ABHD2: variants seen among roughly 807,000 people sequenced by gnomAD.
The protein encoded by ABHD2 is monoacylglycerol lipase ABHD2.
A neutral mutation model predicts 48.1 loss-of-function variants in ABHD2; 20 were observed. The observed-to-expected ratio is 0.42, with a 90% confidence interval of 0.29 to 0.60. The LOEUF (loss-of-function observed/expected upper bound fraction) is 0.60. Among genes scored for constraint, ABHD2 ranks in the 20% least tolerant of loss-of-function variants. ABHD2 has a pLI of 0.24. For synonymous variants in ABHD2, 209 were observed against 214.2 expected, an observed-to-expected ratio of 0.98 and a Z score of 0.21; for missense variants, 405 against 550.9, an observed-to-expected ratio of 0.74 and a Z score of 2.65.
Position 89,170,339 on chromosome 15 carries a change from C to T in ABHD2, c.539-5473C>T, listed in dbSNP as rs558843169. On this transcript the variant is annotated intron_variant, in intron 5 of 10. Coordinates refer to ENST00000352732, the MANE Select transcript of ABHD2 (RefSeq NM_152924.5). ...CTTGAACTCCTGAACTCAAATGATC[C>T]ACCCGCCTCAGCCTCCCAAAGTGCT... Among the ~76,000 whole-genome samples, 279 of 151,910 alleles carry T rather than the reference C, an allele frequency of 1.8e-3. 1 individual carries two copies. Among genetic ancestry groups the T allele is most frequent in the Middle Eastern group, 6.8e-3 (2 of 294 alleles).
At chr15:89,191,270 C>A in intron 9 of ABHD2, 121 bp downstream of exon 9, 1 of 936,612 alleles carries the variant, frequency 1.1e-6, no homozygotes, top group Non-Finnish European at 1.6e-6. Flanking sequence ...TCCAACCGCT[C>A]TTTTAGCTTG....
Position 89,176,125 on chromosome 15 carries a change from T to A in ABHD2, c.722+130T>A. 1.0e-6 allele frequency: 1 copy of A among 986,684 alleles called. No individual in the cohort carries two copies. The highest frequency in any genetic ancestry group is 1.5e-6 in the Non-Finnish European group (1 of 686,000). The allele number at this position is 986,684 out of a possible 1,614,324, so 61.1% of individuals were successfully genotyped here. ...CGACTGAGTAGAAGTTTCTGAGTCT[T>A]GGACTCACCTTGTTTTGTCTGCATA... On this transcript the variant is annotated intron_variant, in intron 6 of 10. Transcript: ENST00000352732. The surrounding 1 kb of genome is among the most constrained non-coding windows in gnomAD (Gnocchi z 4.5).
rs946637659 is a variant in ABHD2, at chr15:89,185,336, G to A, written c.723-88G>A. 21 of 977,952 alleles carry A rather than the reference G, an allele frequency of 2.1e-5. No homozygotes were observed. The South Asian group carries it at 2.9e-4, about 14-fold the overall frequency. The allele number at this position is 977,952 out of a possible 1,614,324, so 60.6% of individuals were successfully genotyped here. A position where few individuals can be genotyped will look rare whatever the true frequency, so the allele number is the denominator to read the frequency against. ...CTGAGAGCCGGCCCTCTCCACACAA[G>A]CACCTCACCCCATGGCTAGAGCCCC... On this transcript the variant is annotated intron_variant, in intron 6 of 10. Coordinates refer to ENST00000352732, the MANE Select transcript of ABHD2 (RefSeq NM_152924.5). This position sits in a 1 kb window ranked among gnomAD's most constrained non-coding sequence, Gnocchi z 5.9.
At chr15:89,162,838 A>G (rs1385284597) in intron 5 of ABHD2, among the ~76,000 whole-genome samples, 2 of 152,178 alleles carry the variant, frequency 1.3e-5, no homozygotes, top group Admixed American at 1.3e-4. Context: ...AGTTCACTCC[A>G]TGAGAGCAGG....
At chr15:89,157,026 T>C (rs2150897642) in intron 5 of ABHD2, among the ~76,000 whole-genome samples, 1 of 152,356 alleles carries the variant, frequency 6.6e-6, no homozygotes, top group East Asian at 1.9e-4. Flanking sequence ...ATAGCATGTA[T>C]ATCTATGGTG....
chr15:89,111,400 A>G (rs1433303001), intron 1 of ABHD2, among the ~76,000 whole-genome samples: 1 of 152,240 alleles, frequency 6.6e-6, no homozygotes, highest in African/African-American at 2.4e-5. Context: ...TCAACTGCTC[A>G]TTCTCTCATG....
rs187743342 is a variant in ABHD2 at position 89,110,926 on chromosome 15, T to A, written c.-106-2799T>A. Among the ~76,000 whole-genome samples the A allele has an allele frequency of 3.1e-3, 465 of 152,354 alleles. 3 individuals are homozygous for A. Among genetic ancestry groups the A allele is most frequent in the African/African-American group, 7.6e-3 (318 of 41,582 alleles). ...CTTACATAAAGTCCCACATTTTTTT[T>A]AAATAATTCTGTGCCAGATAAGCCC... is the stretch of plus-strand genomic sequence containing the variant. On this transcript the variant is annotated intron_variant, in intron 1 of 10. Coordinates refer to ENST00000352732, the MANE Select transcript of ABHD2 (RefSeq NM_152924.5).
chr15:89,124,346 G>A (rs570784438), intron 3 of ABHD2, among the ~76,000 whole-genome samples: 3 of 152,246 alleles, frequency 2.0e-5, no homozygotes, highest in African/African-American at 4.8e-5. Context: ...GACAGTTGTT[G>A]TTTTCTCAAT....
At chr15:89,049,740 GC>G in the ABHD2 span, among the ~76,000 whole-genome samples, 1 of 152,358 alleles carries the variant, frequency 6.6e-6, no homozygotes, top group South Asian at 2.1e-4. Context: ...GCCTCGCCCT[GC>G]TTTGGCTGGC....
intron 5 of ABHD2, among the ~76,000 whole-genome samples, chr15:89,156,115 C>CTTTTTTTTTTT (rs1185978751): frequency 3.5e-5 from 3 of 85,658 alleles, no homozygotes; most frequent in Non-Finnish European, 6.4e-5. Context: ...TTTTTATTGT[C>CTTTTTTTTTTT]TTTTTTTTTT....
the ABHD2 span, among the ~76,000 whole-genome samples, chr15:89,053,358 A>G: frequency 8.6e-5 from 13 of 151,758 alleles, no homozygotes; most frequent in Non-Finnish European, 1.6e-4. Context: ...GCAAACTAAT[A>G]CAGGTATTAG....
In ABHD2 at chr15:89,120,181, T is replaced by A. The variant is rs1045879501; in HGVS notation, c.194+3660T>A. ...GTCAATTTGAAAATCTGTTCTAAGA[T>A]GATTTACCCAAAGATACATTATAAA... On this transcript the variant is annotated intron_variant, in intron 3 of 10. Coordinates refer to ENST00000352732, the MANE Select transcript of ABHD2 (RefSeq NM_152924.5). This position sits in a 1 kb window ranked among gnomAD's most constrained non-coding sequence, Gnocchi z 4.2. Among the ~76,000 whole-genome samples the A allele has an allele frequency of 6.6e-6, 1 of 152,222 alleles. No individual in the cohort carries two copies. The highest frequency in any genetic ancestry group is 1.5e-5 in the Non-Finnish European group (1 of 68,048).
intron 6 of ABHD2, among the ~76,000 whole-genome samples, chr15:89,180,100 A>T (rs1352458888): frequency 6.6e-6 from 1 of 152,254 alleles, no homozygotes; most frequent in Non-Finnish European, 1.5e-5. Context: ...ACTTTGTGCC[A>T]TCAGTAATTT....
At chr15:89,115,636 G>C (rs2049947810) in intron 2 of ABHD2, among the ~76,000 whole-genome samples, 1 of 152,186 alleles carries the variant, frequency 6.6e-6, no homozygotes, top group South Asian at 2.1e-4. Flanking sequence ...AACTAGCCGA[G>C]CTCTATTTCA....
In ABHD2 at chr15:89,124,028, T is replaced by A. The variant is rs182694819; in HGVS notation, c.194+7507T>A. Among the ~76,000 whole-genome samples, 209 of 152,336 alleles carry A rather than the reference T, an allele frequency of 1.4e-3. 2 individuals carry two copies. Among genetic ancestry groups the A allele is most frequent in the African/African-American group, 4.9e-3 (202 of 41,576 alleles). The stretch of plus-strand genomic sequence containing the variant: ...ACAGTAAATATCCATTTTTCTTTTA[T>A]CTGCCCCAAATAAGAGCTCAGTTCT... On this transcript the variant is annotated intron_variant, in intron 3 of 10. Coordinates refer to ENST00000352732, the MANE Select transcript of ABHD2 (RefSeq NM_152924.5).
chr15:89,172,722 G>A (rs555481913), intron 5 of ABHD2, among the ~76,000 whole-genome samples: 11 of 152,258 alleles, frequency 7.2e-5, no homozygotes, highest in Admixed American at 2.0e-4. Context: ...ACAACTCTAC[G>A]AAGTCTTTAC....
chr15:89,106,547 A>G lies in ABHD2; in HGVS notation c.-106-7178A>G, dbSNP rs868546152. ...GGCTCTCCCATCCCATGGCAGTGAA[A>G]GACTCAGAGGACACAAAGGCACAAC... On this transcript the variant is annotated intron_variant, in intron 1 of 10. Coordinates refer to ENST00000352732, the MANE Select transcript of ABHD2 (RefSeq NM_152924.5). The surrounding 1 kb of genome is among the most constrained non-coding windows in gnomAD (Gnocchi z 4.2). 1.3e-5 allele frequency: 2 copies of G among 152,228 alleles called. No homozygotes were observed. Among genetic ancestry groups the G allele is most frequent in the Non-Finnish European group, 2.9e-5 (2 of 68,080 alleles). The allele number at this position is 152,228 out of a possible 1,614,324, so 9.4% of individuals were successfully genotyped here.
At chr15:89,113,982 C>T (rs2049915946) in intron 2 of ABHD2, among the ~76,000 whole-genome samples, 158 bp downstream of exon 2, 1 of 152,214 alleles carries the variant, frequency 6.6e-6, no homozygotes. Context: ...TTACCCTGTT[C>T]TGTTTCCAAC....
rs2051255382 is a variant in ABHD2 at position 89,188,741 on chromosome 15, G to A, written c.926+438G>A. Among the ~76,000 whole-genome samples, 1 of 152,164 alleles carries A rather than the reference G, an allele frequency of 6.6e-6. No individual in the cohort carries two copies. Reference sequence around the variant, plus strand: ...AGAGTAGAAAAACTGGCTGGGGGCAGTGTCTCATGCCTGTAATCCTAGGAG... The same window carrying A: ...AGAGTAGAAAAACTGGCTGGGGGCAATGTCTCATGCCTGTAATCCTAGGAG... On this transcript the variant is annotated intron_variant, in intron 8 of 10. Coordinates refer to ENST00000352732, the MANE Select transcript of ABHD2 (RefSeq NM_152924.5). The surrounding 1 kb of genome is among the most constrained non-coding windows in gnomAD (Gnocchi z 4.1).
Sources: allele counts gnomAD v4.1 joint callset (sites outside exome capture counted in the v4.1 genomes callset), GRCh38; gene constraint gnomAD v4.1.1; non-coding constraint Gnocchi (gnomAD v3.1); transcripts MANE v1.5; gene names NCBI Gene and HGNC (gene_info 2026-07-23, HGNC 2026-07-21).